Variants in GAB2 observed in about 807,000 individuals in gnomAD.
The protein encoded by GAB2 is GRB2 associated binding protein 2.
Under a neutral mutation model 65.5 loss-of-function variants are expected in GAB2, and 26 were observed. The observed-to-expected ratio is 0.40, with a 90% CI of 0.29 to 0.55. GAB2 has a LOEUF of 0.55. Ranked by LOEUF, GAB2 falls within the 20% of genes least tolerant of loss-of-function variation. GAB2 has a pLI of 0.53. For synonymous variants in GAB2, 321 were observed against 329.6 expected (o/e 0.97, Z 0.28); for missense variants, 884 against 875.8 (o/e 1.01, Z -0.12).
chr11:78,315,190 G>A (rs1565156074), intron 1 of GAB2, among the ~76,000 whole-genome samples: 1 of 152,116 alleles, frequency 6.6e-6, no homozygotes, highest in Non-Finnish European at 1.5e-5. Context: ...TTCTGCTCAC[G>A]GCTGGCTGTC....
chr11:78,338,333 T>A (rs951097304), intron 1 of GAB2, among the ~76,000 whole-genome samples: 1 of 152,090 alleles, frequency 6.6e-6, no homozygotes, highest in African/African-American at 2.4e-5. Flanking sequence ...TAAGTAGAAA[T>A]CTTTTGGAGG....
intron 3 of GAB2, among the ~76,000 whole-genome samples, chr11:78,246,401 A>C (rs929232610): frequency 6.6e-6 from 1 of 152,182 alleles, no homozygotes. Flanking sequence ...TCTGGTTTTC[A>C]ATATGCTGAG....
chr11:78,243,769 G>A (rs749443348), intron 3 of GAB2, among the ~76,000 whole-genome samples: 4 of 151,436 alleles, frequency 2.6e-5, no homozygotes, highest in South Asian at 2.1e-4. Flanking sequence ...ACTTGAACCC[G>A]GGAGGCGGAG....
At chr11:78,295,916 AT>A (rs1336300259) in intron 1 of GAB2, among the ~76,000 whole-genome samples, 1 of 152,152 alleles carries the variant, frequency 6.6e-6, no homozygotes, top group African/African-American at 2.4e-5. Context: ...ATATTGAATC[AT>A]TCCTCTGGGG....
At chr11:78,338,076 A>G (rs1379423527) in intron 1 of GAB2, among the ~76,000 whole-genome samples, 2 of 152,184 alleles carry the variant, frequency 1.3e-5, no homozygotes, top group East Asian at 1.9e-4. Flanking sequence ...TAAAATGTTA[A>G]GTATGTTACC....
intron 1 of GAB2, among the ~76,000 whole-genome samples, chr11:78,409,465 T>A (rs1293990839): frequency 6.6e-6 from 1 of 152,134 alleles, no homozygotes; most frequent in African/African-American, 2.4e-5. Flanking sequence ...ATGCCTGTAA[T>A]CCCAACTACT....
chr11:78,397,921 G>A (rs953583967), intron 1 of GAB2, among the ~76,000 whole-genome samples: 3 of 152,014 alleles, frequency 2.0e-5, no homozygotes, highest in Non-Finnish European at 4.4e-5. Flanking sequence ...AGGCACAGTG[G>A]TGCACCTATA....
chr11:78,325,050 T>G (rs1357294409), intron 1 of GAB2, among the ~76,000 whole-genome samples: 1 of 152,202 alleles, frequency 6.6e-6, no homozygotes, highest in Non-Finnish European at 1.5e-5. Flanking sequence ...CCAGGGCATC[T>G]TATTTTTTTG....
chr11:78,260,405 C>T (rs958718990), intron 2 of GAB2, among the ~76,000 whole-genome samples: 2 of 152,146 alleles, frequency 1.3e-5, no homozygotes, highest in African/African-American at 4.8e-5. Flanking sequence ...CCTTCTTTGG[C>T]TCGAGGCATC....
intron 1 of GAB2, among the ~76,000 whole-genome samples, chr11:78,286,162 C>A (rs1006032078): frequency 2.0e-5 from 3 of 152,190 alleles, no homozygotes; most frequent in African/African-American, 2.4e-5. Context: ...ACAGAATTTA[C>A]AGGAGCACTA....
intron 1 of GAB2, among the ~76,000 whole-genome samples, chr11:78,353,793 T>C (rs1856316406): frequency 6.6e-6 from 1 of 152,252 alleles, no homozygotes. Context: ...TAACTGCCTA[T>C]GGCTAATGAC....
At chr11:78,290,923 A>C (rs1297496671) in intron 1 of GAB2, among the ~76,000 whole-genome samples, 1 of 152,188 alleles carries the variant, frequency 6.6e-6, no homozygotes, top group Non-Finnish European at 1.5e-5. Context: ...GGGATCAGCA[A>C]ACTTTGTTAA....
At chr11:78,230,787 G>A (rs575930277) in intron 3 of GAB2, among the ~76,000 whole-genome samples, 1 of 152,352 alleles carries the variant, frequency 6.6e-6, no homozygotes, top group East Asian at 1.9e-4. Context: ...GTCTCTGGGT[G>A]CCCCCACTGC....
At chr11:78,395,820 G>A (rs1461090856) in intron 1 of GAB2, among the ~76,000 whole-genome samples, 1 of 152,160 alleles carries the variant, frequency 6.6e-6, no homozygotes, top group East Asian at 1.9e-4. Context: ...CACCCACAAA[G>A]CATATGGGAG....
chr11:78,389,343 G>A (rs370982348), intron 1 of GAB2, among the ~76,000 whole-genome samples: 9 of 148,378 alleles, frequency 6.1e-5, no homozygotes, highest in Admixed American at 3.4e-4. Context: ...AGTTTTGCTC[G>A]TTGCCCAGGA....
At chr11:78,312,953 T>C (rs573863057) in intron 1 of GAB2, among the ~76,000 whole-genome samples, 6 of 152,048 alleles carry the variant, frequency 3.9e-5, no homozygotes, top group Non-Finnish European at 7.4e-5. Context: ...AACTAAAAAA[T>C]ATGTGTTTGT....
chr11:78,330,505 T>C (rs1855896971), intron 1 of GAB2, among the ~76,000 whole-genome samples: 1 of 152,032 alleles, frequency 6.6e-6, no homozygotes, highest in East Asian at 1.9e-4. Flanking sequence ...TGCTTTGAGA[T>C]AGGAGAGTCA....
At chr11:78,395,388 A>G (rs1333265824) in intron 1 of GAB2, among the ~76,000 whole-genome samples, 10 of 152,266 alleles carry the variant, frequency 6.6e-5, no homozygotes, top group Non-Finnish European at 1.3e-4. Flanking sequence ...CAGGGGGCAG[A>G]GGTTGCAGTG....
intron 1 of GAB2, among the ~76,000 whole-genome samples, chr11:78,341,397 C>T (rs920557296): frequency 6.6e-6 from 1 of 152,056 alleles, no homozygotes; most frequent in Non-Finnish European, 1.5e-5. Context: ...ACAGGAGATA[C>T]CAATGTAATC....
Sources: allele counts gnomAD v4.1 joint callset (sites outside exome capture counted in the v4.1 genomes callset), GRCh38; gene constraint gnomAD v4.1.1; transcripts MANE v1.5; gene names NCBI Gene and HGNC (gene_info 2026-07-23, HGNC 2026-07-21).